The following CHRM3 variants were observed in gnomAD, a reference collection of about 807,000 sequenced individuals.
The protein encoded by CHRM3 is cholinergic receptor muscarinic 3.
A neutral mutation model predicts 41.8 loss-of-function variants in CHRM3; 11 were observed. The ratio of observed to expected loss-of-function variants is 0.26; its 90% CI spans 0.17 to 0.44. CHRM3 has a LOEUF of 0.44. Ranked by LOEUF, CHRM3 falls within the 20% of genes least tolerant of loss-of-function variation. The probability of loss-of-function intolerance (pLI) is 1.00; values close to 1 mark genes in which losing one functional copy is unlikely to be tolerated. For missense variants in CHRM3, 571 were observed against 745.4 expected (o/e 0.77, Z 2.72); for synonymous variants, 297 against 301.4 (o/e 0.99, Z 0.15).
chr1:239,402,554 T>A (rs976134125), intron 1 of CHRM3, among the ~76,000 whole-genome samples: 1 of 152,176 alleles, frequency 6.6e-6, no homozygotes, highest in African/African-American at 2.4e-5. Flanking sequence ...TGTAGCCACA[T>A]CAGCCTGCTT....
chr1:239,602,261 A>T (rs1035579954), intron 3 of CHRM3, among the ~76,000 whole-genome samples: 1 of 151,784 alleles, frequency 6.6e-6, no homozygotes, highest in Non-Finnish European at 1.5e-5. Context: ...CAGCCTCCCG[A>T]GTAATAAAAA....
intron 4 of CHRM3, among the ~76,000 whole-genome samples, chr1:239,634,672 T>A (rs1670269503): frequency 6.6e-6 from 1 of 152,112 alleles, no homozygotes; most frequent in Non-Finnish European, 1.5e-5. Context: ...TTCACTCTTG[T>A]TGACTTGGTT....
intron 6 of CHRM3, among the ~76,000 whole-genome samples, chr1:239,858,065 A>G (rs887751753): frequency 1.3e-5 from 2 of 152,180 alleles, no homozygotes; most frequent in African/African-American, 4.8e-5. Context: ...GTGTCTCATC[A>G]TAATTCTCAT....
intron 4 of CHRM3, among the ~76,000 whole-genome samples, chr1:239,669,104 C>T (rs536136609): frequency 3.2e-4 from 48 of 152,230 alleles, no homozygotes; most frequent in African/African-American, 1.4e-4. Context: ...TCCTTGGTGC[C>T]GGGGCTGGAA....
rs905488508 is a variant in CHRM3 at position 239,684,401 on chromosome 1, G to A, written c.-147+6113G>A. ...AAGTTTACAAATGCAAATAAGAAAG[G>A]AAGGTGTATGGGCTGGGCACAGTGG... On this transcript the variant is annotated intron_variant, in intron 5 of 6. Coordinates refer to ENST00000676153, the MANE Select transcript of CHRM3 (RefSeq NM_001375978.1). Among the ~76,000 whole-genome samples the A allele has an allele frequency of 3.9e-5, 6 of 151,996 alleles. No homozygotes were observed. The South Asian group carries it at 1.2e-3, about 32-fold the overall frequency.
intron 6 of CHRM3, chr1:239,886,095 A>C (rs766392039): frequency 6.6e-5 from 10 of 152,224 alleles, no homozygotes; most frequent in Non-Finnish European, 1.5e-5. Context: ...CCAGCCAGTG[A>C]AAGGCACATG....
chr1:239,483,347 G>A (rs1271165666), intron 1 of CHRM3, among the ~76,000 whole-genome samples: 1 of 152,208 alleles, frequency 6.6e-6, no homozygotes, highest in Non-Finnish European at 1.5e-5. Flanking sequence ...TGTAGCTTCT[G>A]TAAAATTAGC....
chr1:239,900,340 T>C (rs1679423179), intron 6 of CHRM3, among the ~76,000 whole-genome samples: 1 of 152,102 alleles, frequency 6.6e-6, no homozygotes, highest in Admixed American at 6.6e-5. Flanking sequence ...GTAAAACATT[T>C]GGTGACTCTC....
chr1:239,762,351 G>C (rs924808037), intron 5 of CHRM3, among the ~76,000 whole-genome samples: 2 of 152,164 alleles, frequency 1.3e-5, no homozygotes, highest in African/African-American at 4.8e-5. Context: ...AGGTTTACAA[G>C]TTGCTTCTCA....
chr1:239,739,391 C>A (rs1292502171), intron 5 of CHRM3, among the ~76,000 whole-genome samples: 1 of 152,166 alleles, frequency 6.6e-6, no homozygotes, highest in Non-Finnish European at 1.5e-5. Context: ...CAGTACCAAT[C>A]AAAGCCAACT....
At position 239,908,980 on chromosome 1, in the gene CHRM3, T is replaced by C. The variant is rs1680195444; in HGVS notation, c.1529T>C (p.Met510Thr). The C allele has an allele frequency of 6.2e-7, 1 of 1,614,062 alleles. No homozygotes were observed. The highest frequency in any genetic ancestry group is 1.3e-5 in the African/African-American group (1 of 74,928). The change falls in exon 7 of 7, where the codon ATG (methionine) becomes ACG (threonine). Residue 510 changes from methionine to threonine, a missense_variant. Met to Thr is a moderately conservative substitution (Grantham distance 81). This residue lies in a region of CHRM3 where 43 missense variants were observed against 93.7 expected (regional missense o/e 0.46). Coordinates refer to ENST00000676153, the MANE Select transcript of CHRM3 (RefSeq NM_001375978.1). This position sits in a 1 kb window ranked among gnomAD's most constrained non-coding sequence, Gnocchi z 7.2. ...FIITWTPYNI[M>T]VLVNTFCDSC... is the part of the protein sequence containing the mutation. ...ATCACTTGGACCCCATACAACATCATGGTTCTGGTGAACACCTTTTGTGAC... is the reference window on the plus strand; with the variant it reads ...ATCACTTGGACCCCATACAACATCACGGTTCTGGTGAACACCTTTTGTGAC...
intron 2 of CHRM3, among the ~76,000 whole-genome samples, chr1:239,520,455 C>T (rs1052890937): frequency 6.6e-6 from 1 of 152,002 alleles, no homozygotes; most frequent in Non-Finnish European, 1.5e-5. Flanking sequence ...GTGTGGCACC[C>T]CGCTTGCTCT....
At position 239,617,088 on chromosome 1, in the gene CHRM3, T is replaced by A. The variant is rs1345074766; in HGVS notation, c.-312-15136T>A. ...TGTGCAGGGCATCATTTAGCATAGC[T>A]CCCCTACATGGTCAAACAAAATTGA... On this transcript the variant is annotated intron_variant, in intron 3 of 6. Transcript: ENST00000676153. 2.6e-5 allele frequency among the ~76,000 whole-genome samples: 4 copies of A among 152,140 alleles called. No homozygotes were observed. The South Asian group carries it at 8.3e-4, about 31-fold the overall frequency.
chr1:239,888,553 G>A (rs1473438800), intron 6 of CHRM3, among the ~76,000 whole-genome samples: 9 of 144,730 alleles, frequency 6.2e-5, no homozygotes, highest in African/African-American at 2.0e-4. Flanking sequence ...AGCCATGATC[G>A]CACTACTGCA....
chr1:239,567,023 G>A (rs554680550), intron 3 of CHRM3, among the ~76,000 whole-genome samples: 5 of 152,214 alleles, frequency 3.3e-5, no homozygotes, highest in African/African-American at 9.6e-5. Context: ...AGGATTGAAT[G>A]GAGCAATCAT....
intron 1 of CHRM3, among the ~76,000 whole-genome samples, chr1:239,483,161 GAAA>G (rs1324507439): frequency 6.6e-5 from 10 of 152,052 alleles, no homozygotes; most frequent in Non-Finnish European, 1.5e-4. Flanking sequence ...TAAAGTGTTT[GAAA>G]AAATTACTTC....
At chr1:239,775,544 A>T (rs1278695562) in intron 5 of CHRM3, among the ~76,000 whole-genome samples, 2 of 152,368 alleles carry the variant, frequency 1.3e-5, no homozygotes, top group South Asian at 4.1e-4. Flanking sequence ...AGAACTTCCA[A>T]AATCTCAGTG....
In CHRM3 at chr1:239,723,556, C is replaced by A. The variant is rs541562361; in HGVS notation, c.-147+45268C>A. ...CCCATATGGCTATTACTAAAATGTA[C>A]TACTACAAATATCTGTAATAATTGC... On this transcript the variant is annotated intron_variant, in intron 5 of 6. Coordinates refer to ENST00000676153, the MANE Select transcript of CHRM3 (RefSeq NM_001375978.1). 3.7e-4 allele frequency among the ~76,000 whole-genome samples: 56 copies of A among 151,976 alleles called. No individual in the cohort carries two copies. In the Middle Eastern group the frequency reaches 0.01, roughly 28 times the overall value.
chr1:239,572,216 C>G (rs1165664082), intron 3 of CHRM3, among the ~76,000 whole-genome samples: 2 of 152,156 alleles, frequency 1.3e-5, no homozygotes, highest in Non-Finnish European at 2.9e-5. Flanking sequence ...TTCCTCTACC[C>G]ATGATGACAT....
Sources: gnomAD v4.1 joint callset for allele counts (sites outside exome capture counted in the v4.1 genomes callset) on GRCh38, gnomAD v4.1.1 for gene constraint, gnomAD v4.1.1 regional missense constraint, Gnocchi (gnomAD v3.1) non-coding constraint, MANE v1.5 for transcripts, NCBI Gene and HGNC (gene_info 2026-07-23, HGNC 2026-07-21) for gene names.